Variants in FGF1 observed in about 807,000 individuals in gnomAD.
FGF1 encodes the protein beta-endothelial cell growth factor.
A neutral mutation model predicts 13.4 loss-of-function variants in FGF1; 9 were observed. That is an observed-to-expected ratio of 0.67 (90% CI 0.40 to 1.17). The LOEUF (loss-of-function observed/expected upper bound fraction) is 1.17, where lower values mean the gene tolerates loss of function less well. Among genes scored for constraint, FGF1 ranks in the 50% most tolerant of loss-of-function variants. The pLI, the probability that FGF1 is intolerant of heterozygous loss-of-function variation, is 0.01. For missense variants in FGF1, 156 were observed against 192.7 expected (o/e 0.81, Z 1.13); for synonymous variants, 93 against 79.0 (o/e 1.18, Z -0.94).
chr5:142,633,076 C>T (rs911898631), intron 1 of FGF1, among the ~76,000 whole-genome samples: 2 of 152,262 alleles, frequency 1.3e-5, no homozygotes, highest in East Asian at 1.9e-4. Context: ...CCCGCCACCA[C>T]ACCCGGCTAA....
upstream of FGF1, among the ~76,000 whole-genome samples, chr5:142,687,206 C>A (rs1003298727): frequency 1.3e-5 from 2 of 152,118 alleles, no homozygotes; most frequent in African/African-American, 4.8e-5. Context: ...TACAGATCGA[C>A]CTGTCAGAAC....
chr5:142,690,213 C>T (rs1383082579), upstream of FGF1, among the ~76,000 whole-genome samples: 2 of 151,214 alleles, frequency 1.3e-5, no homozygotes, highest in Non-Finnish European at 3.0e-5. Context: ...CCCAGCTACT[C>T]GGGAGGCTGA....
chr5:142,660,147 C>T lies in FGF1; in HGVS notation c.-35+25810G>A, dbSNP rs186562621. On this transcript the variant is annotated intron_variant, in intron 1 of 3. Transcript: ENST00000337706. ...GCTTCTTCCCGAGGCCTCAACTGTG[C>T]GGCAGCTGAAAACCATCTTCACGCT... Among the ~76,000 whole-genome samples, 370 of 152,348 alleles carry T rather than the reference C, an allele frequency of 2.4e-3. 1 individual carries two copies. The highest frequency in any genetic ancestry group is 8.4e-3 in the African/African-American group (351 of 41,576).
intron 1 of FGF1, among the ~76,000 whole-genome samples, chr5:142,656,272 T>C (rs1421723104): frequency 1.3e-5 from 2 of 151,088 alleles, no homozygotes. Context: ...CTGAGAGTTA[T>C]TTCTACCTGG....
At chr5:142,683,990 G>C (rs1294493685) in intron 1 of FGF1, among the ~76,000 whole-genome samples, 2 of 152,086 alleles carry the variant, frequency 1.3e-5, no homozygotes, top group Non-Finnish European at 2.9e-5. Context: ...ACCCTACTCT[G>C]TCAGTGGAGC....
At chr5:142,629,877 TTATATA>T in intron 1 of FGF1, among the ~76,000 whole-genome samples, 1 of 137,564 alleles carries the variant, frequency 7.3e-6, no homozygotes, top group South Asian at 2.2e-4. Context: ...TACATATATA[TTATATA>T]TATATATATA....
At chr5:142,600,971 T>C (rs1483095232) in intron 2 of FGF1, 166 bp from the exon 3 acceptor site, 2 of 631,914 alleles carry the variant, frequency 3.2e-6, no homozygotes, top group African/African-American at 3.6e-5. Context: ...TCCCTTTTTC[T>C]TTGCCTTCCA....
At chr5:142,657,499 C>G (rs1490927214) in intron 1 of FGF1, among the ~76,000 whole-genome samples, 2 of 152,222 alleles carry the variant, frequency 1.3e-5, no homozygotes, top group African/African-American at 4.8e-5. Context: ...AAAAGCTTGT[C>G]CATGGTCTCC....
Position 142,594,087 on chromosome 5 carries a change from AT to A in FGF1, c.*1202del. The A allele has an allele frequency of 6.6e-6, 1 of 152,430 alleles. No homozygotes were observed. The highest frequency in any genetic ancestry group is 2.1e-4 in the South Asian group (1 of 4,822). The allele number at this position is 152,430 out of a possible 1,614,324, so 9.4% of individuals were successfully genotyped here. A position where few individuals can be genotyped will look rare whatever the true frequency, so the allele number is the denominator to read the frequency against. On this transcript the variant is annotated 3_prime_UTR_variant, in exon 4 of 4. Coordinates refer to ENST00000337706, the MANE Select transcript of FGF1 (RefSeq NM_000800.5). ...CATAACTATTGTCAGTGCTGCCTGA[AT>A]GCTCAGGTAGACTCATGAGGTGTGC...
chr5:142,613,518 A>G (rs1006218486), intron 2 of FGF1, among the ~76,000 whole-genome samples: 4 of 152,278 alleles, frequency 2.6e-5, no homozygotes, highest in Admixed American at 2.0e-4. Flanking sequence ...AATCAAGCCC[A>G]GTGGAAACAT....
chr5:142,697,635 C>T (rs1184745954), exon 2 of FGF1: 1 of 152,342 alleles, frequency 6.6e-6, no homozygotes, highest in Non-Finnish European at 1.5e-5. Context: ...TTTGCCTTGG[C>T]TCTGGGGTGC....
At chr5:142,628,655 C>T (rs557725559) in intron 1 of FGF1, among the ~76,000 whole-genome samples, 100 of 152,216 alleles carry the variant, frequency 6.6e-4, no homozygotes, top group Non-Finnish European at 1.3e-3. Flanking sequence ...CATGGTTTTT[C>T]TCCTTGTTTC....
At chr5:142,645,445 C>G (rs1479953953) in intron 1 of FGF1, among the ~76,000 whole-genome samples, 1 of 152,152 alleles carries the variant, frequency 6.6e-6, no homozygotes, top group Non-Finnish European at 1.5e-5. Context: ...GGATGAGAAC[C>G]TGGGCTTTGG....
chr5:142,693,730 T>C (rs1374589869), intron 2 of FGF1, among the ~76,000 whole-genome samples: 1 of 152,172 alleles, frequency 6.6e-6, no homozygotes, highest in East Asian at 1.9e-4. Flanking sequence ...CTCATCTACT[T>C]TCTGTCTCTA....
intron 1 of FGF1, among the ~76,000 whole-genome samples, chr5:142,618,809 C>T (rs886159842): frequency 1.3e-5 from 2 of 151,738 alleles, no homozygotes; most frequent in Admixed American, 6.6e-5. Context: ...TTGCGAGGCC[C>T]ATTATATCTA....
At chr5:142,642,301 T>C (rs569653685) in intron 1 of FGF1, among the ~76,000 whole-genome samples, 1 of 152,354 alleles carries the variant, frequency 6.6e-6, no homozygotes, top group African/African-American at 2.4e-5. Flanking sequence ...TGGTTCCCTC[T>C]TGGCTGTCAC....
Position 142,672,500 on chromosome 5 carries a change from GT to G in FGF1, c.-35+13456del, listed in dbSNP as rs34954693. ...TCTCCTTCAGGTCTTTTTCTGTACA[GT>G]TTTTTTTTTTTTTTTTTTTTTGAAA... On this transcript the variant is annotated intron_variant, in intron 1 of 3. Transcript: ENST00000337706. 4.3e-3 allele frequency among the ~76,000 whole-genome samples: 533 copies of G among 123,332 alleles called. 1 individual carries two copies. The highest frequency in any genetic ancestry group is 0.012 in the East Asian group (53 of 4,320). The allele number at this position is 123,332 out of a possible 152,430, so 80.9% of individuals were successfully genotyped here. A position where few individuals can be genotyped will look rare whatever the true frequency, so the allele number is the denominator to read the frequency against.
At chr5:142,624,099 T>C (rs1353992134) in intron 1 of FGF1, among the ~76,000 whole-genome samples, 1 of 152,030 alleles carries the variant, frequency 6.6e-6, no homozygotes, top group Non-Finnish European at 1.5e-5. Context: ...TTTGTATTTT[T>C]AGTAGAGACG....
intron 1 of FGF1, among the ~76,000 whole-genome samples, chr5:142,616,771 GA>G (rs1281009473): frequency 3.3e-5 from 5 of 152,138 alleles, no homozygotes; most frequent in African/African-American, 1.2e-4. Context: ...TCCCAGTGTG[GA>G]TATCTTTATC....
Sources: gnomAD v4.1 joint callset for allele counts (sites outside exome capture counted in the v4.1 genomes callset) on GRCh38, gnomAD v4.1.1 for gene constraint, MANE v1.5 for transcripts, NCBI Gene and HGNC (gene_info 2026-07-23, HGNC 2026-07-21) for gene names.